Variants in CCNE2 observed in about 807,000 individuals in gnomAD.
CCNE2 encodes the protein G1/S-specific cyclin-E2.
In CCNE2, 18 loss-of-function variants were observed where a neutral mutation model predicts 56.8. That is an observed-to-expected ratio of 0.32 (90% confidence interval 0.22 to 0.47). The LOEUF (loss-of-function observed/expected upper bound fraction) is 0.47, where lower values mean the gene tolerates loss of function less well. Among genes scored for constraint, CCNE2 ranks in the 20% least tolerant of loss-of-function variants. The pLI, the probability that CCNE2 is intolerant of heterozygous loss-of-function variation, is 1.00. For synonymous variants in CCNE2, 139 were observed against 149.2 expected (o/e 0.93, Z 0.50); for missense variants, 371 against 467.1 (o/e 0.79, Z 1.90).
At chr8:94,882,360 G>A (rs1816855528) in intron 10 of CCNE2, 71 bp from the exon 11 acceptor site, 1 of 1,224,956 alleles carries the variant, frequency 8.2e-7, no homozygotes, top group Admixed American at 2.7e-5. Flanking sequence ...TATGTCTGAT[G>A]TACTTGTTGC....
rs991488282 is a variant in CCNE2 at position 94,893,084 on chromosome 8, T to C, written c.166-115A>G. The C allele has an allele frequency of 1.5e-5, 11 of 755,996 alleles. 1 individual carries two copies. In the South Asian group the frequency reaches 2.3e-4, roughly 16 times the overall value. The allele number at this position is 755,996 out of a possible 1,614,324, so 46.8% of individuals were successfully genotyped here. ...TAAAGAATCATAATTTTAGCTAACA[T>C]AGATGGCAATATAGCTAATTTGACA... On this transcript the variant is annotated intron_variant, in intron 4 of 11. Coordinates refer to ENST00000308108, the MANE Select transcript of CCNE2 (RefSeq NM_057749.3).
chr8:94,895,992 G>C (rs1008180395), upstream of CCNE2: 12 of 152,588 alleles, frequency 7.9e-5, no homozygotes, highest in African/African-American at 2.6e-4. Flanking sequence ...CCATGGGTCG[G>C]TCGCTCCCCC....
chr8:94,888,107 T>C, intron 6 of CCNE2, 34 bp from the exon 7 acceptor site: 1 of 1,430,672 alleles, frequency 7.0e-7, no homozygotes, highest in Non-Finnish European at 9.4e-7. Context: ...AATATTATCT[T>C]CTGAATTTCT....
intron 7 of CCNE2, among the ~76,000 whole-genome samples, chr8:94,887,398 G>A (rs1011100695): frequency 1.3e-5 from 2 of 152,074 alleles, no homozygotes; most frequent in Non-Finnish European, 2.9e-5. Context: ...CCAGCTACTC[G>A]GGAGGCTTAG....
chr8:94,881,621 A>G lies in CCNE2; in HGVS notation c.*11T>C. On this transcript the variant is annotated 3_prime_UTR_variant, in exon 12 of 12. Transcript: ENST00000308108. ...TTGGTGAATTCCAACTTGTTTGCTT[A>G]GTTATCTTCTTTAGTGTTTTCCTGG... is the stretch of plus-strand genomic sequence containing the variant. 1 of 1,610,242 alleles carries G rather than the reference A, an allele frequency of 6.2e-7. No homozygotes were observed. Among genetic ancestry groups the G allele is most frequent in the East Asian group, 2.2e-5 (1 of 44,804 alleles).
chr8:94,886,159 T>C (rs1414109795), intron 7 of CCNE2, among the ~76,000 whole-genome samples: 1 of 152,178 alleles, frequency 6.6e-6, no homozygotes, highest in Non-Finnish European at 1.5e-5. Flanking sequence ...GGACCATCTA[T>C]ATACAAATCA....
intron 7 of CCNE2, 92 bp downstream of exon 7, chr8:94,887,835 A>T: frequency 1.3e-6 from 1 of 777,102 alleles, no homozygotes; most frequent in Non-Finnish European, 2.0e-6. Context: ...CTAAGGAGTT[A>T]ATATAAAACA....
upstream of CCNE2, chr8:94,896,482 G>C (rs927038223): frequency 2.0e-5 from 3 of 152,256 alleles, no homozygotes; most frequent in Admixed American, 6.5e-5. Flanking sequence ...AGTCAGACTT[G>C]CGGCGGGTAT....
At chr8:94,894,173 A>G (rs1462512805) in intron 2 of CCNE2, 35 bp downstream of exon 2, 1 of 1,613,714 alleles carries the variant, frequency 6.2e-7, no homozygotes, top group African/African-American at 1.3e-5. Context: ...GGCAGCAACT[A>G]ATTTGAAACA....
chr8:94,881,591 C>A lies in CCNE2; in HGVS notation c.*41G>T, dbSNP rs532667648. On this transcript the variant is annotated 3_prime_UTR_variant, in exon 12 of 12. Transcript: ENST00000308108. ...GTAGTTCAGTGATACCAGTTCTACC[C>A]AATCTTGGTGAATTCCAACTTGTTT... is the stretch of plus-strand genomic sequence containing the variant. The A allele has an allele frequency of 1.5e-5, 24 of 1,605,336 alleles. 1 individual carries two copies. In the South Asian group the frequency reaches 2.2e-4, roughly 15 times the overall value.
chr8:94,893,798 G>T, intron 4 of CCNE2, 93 bp downstream of exon 4: 1 of 1,281,056 alleles, frequency 7.8e-7, no homozygotes, highest in Non-Finnish European at 1.1e-6. Context: ...AGTGTCAGAG[G>T]AATCTATCGC....
In CCNE2 at chr8:94,891,957, G is replaced by T. The variant is rs545790022; in HGVS notation, c.317+861C>A. ...AACGGACCTACAGAGCTCATGGTCG[G>T]ATTAACTCACACGTGATCTCTCCCT... On this transcript the variant is annotated intron_variant, in intron 5 of 11. Coordinates refer to ENST00000308108, the MANE Select transcript of CCNE2 (RefSeq NM_057749.3). The T allele has an allele frequency of 3.7e-6, 4 of 1,095,772 alleles. No homozygotes were observed. The South Asian group carries it at 4.9e-5, about 14-fold the overall frequency. The allele number at this position is 1,095,772 out of a possible 1,614,324, so 67.9% of individuals were successfully genotyped here.
rs189418381 is a variant in CCNE2, at chr8:94,893,012, A to G, written c.166-43T>C. 350 of 1,481,798 alleles carry G rather than the reference A, an allele frequency of 2.4e-4. 1 individual carries two copies. In the African/African-American group the frequency reaches 4.8e-3, roughly 20 times the overall value. 91.8% of individuals were successfully genotyped at this position (1,481,798 alleles called of 1,614,324 possible). A position where few individuals can be genotyped will look rare whatever the true frequency, so the allele number is the denominator to read the frequency against. ...AAAAATATCAATTTGTGCAAGGAAA[A>G]CCTTAGTTTTTGTAATGGATCTTTC... On this transcript the variant is annotated intron_variant, in intron 4 of 11. Coordinates refer to ENST00000308108, the MANE Select transcript of CCNE2 (RefSeq NM_057749.3).
At chr8:94,885,344 A>T in intron 8 of CCNE2, 119 bp downstream of exon 8, 2 of 1,029,854 alleles carry the variant, frequency 1.9e-6, no homozygotes, top group Admixed American at 4.4e-5. Context: ...TTAGAACTGG[A>T]TCCTAATACC....
At chr8:94,896,105 T>C (rs1817532476), upstream of CCNE2, among the ~76,000 whole-genome samples, 1 of 152,014 alleles carries the variant, frequency 6.6e-6, no homozygotes, top group African/African-American at 2.4e-5. Flanking sequence ...TCCTCTCTTC[T>C]CCACCTCCAA....
chr8:94,887,701 C>G (rs1353942148), intron 7 of CCNE2, among the ~76,000 whole-genome samples: 1 of 152,078 alleles, frequency 6.6e-6, no homozygotes, highest in Non-Finnish European at 1.5e-5. Context: ...AGATACTAAT[C>G]CCAGAATCTA....
At chr8:94,891,695 T>C (rs1817250907) in intron 5 of CCNE2, 2 of 685,320 alleles carry the variant, frequency 2.9e-6, no homozygotes, top group Non-Finnish European at 4.9e-6. Context: ...ATGAAGTATT[T>C]TTAAAATGTC....
Position 94,882,849 on chromosome 8 carries a change from T to G in CCNE2, c.875A>C (p.Gln292Pro), listed in dbSNP as rs758384981. 7.4e-6 allele frequency: 12 copies of G among 1,613,732 alleles called. No individual in the cohort carries two copies. The highest frequency in any genetic ancestry group is 9.3e-6 in the Non-Finnish European group (11 of 1,179,850). ...GGCAGCAGCAGTCAGTATTCTGTAC[T>G]GGAACTCTAATGAATCAATGGCTAG... is the stretch of plus-strand genomic sequence containing the variant. ...CILAIDSLEF[Q>P]YRILTAAALC... The change falls in exon 10 of 12, where the codon CAG becomes CCG. Residue 292 changes from glutamine to proline, a missense_variant. Physicochemically the swap from Gln to Pro is moderately conservative, Grantham distance 76. Coordinates refer to ENST00000308108, the MANE Select transcript of CCNE2 (RefSeq NM_057749.3).
chr8:94,888,061 A>T lies in CCNE2; in HGVS notation c.466T>A (p.Tyr156Asn). ...LDWLLEVCEV[Y>N]TLHRETFYLA... ...TAAAATGTTTCCCTATGAAGTGTGT[A>T]TACTTCACATACCTAGAGAAGAATC... is the stretch of plus-strand genomic sequence containing the variant. The change falls in exon 7 of 12, where the codon TAC becomes AAC. Residue 156 changes from tyrosine to asparagine, a missense_variant. Transcript: ENST00000308108. The T allele has an allele frequency of 1.9e-6, 3 of 1,556,136 alleles. No individual in the cohort carries two copies. Among genetic ancestry groups the T allele is most frequent in the Non-Finnish European group, 2.6e-6 (3 of 1,153,986 alleles).
Sources: gnomAD v4.1 joint callset for allele counts (sites outside exome capture counted in the v4.1 genomes callset) on GRCh38, gnomAD v4.1.1 for gene constraint, MANE v1.5 for transcripts, NCBI Gene and HGNC (gene_info 2026-07-23, HGNC 2026-07-21) for gene names.